The following MAST4 variants were observed in gnomAD, a reference collection of about 807,000 sequenced individuals.
MAST4 encodes the protein microtubule associated serine/threonine kinase family member 4, also known as microtubule-associated serine/threonine-protein kinase 4.
MAST4 carries 89 observed loss-of-function variants against 162.7 expected under a neutral mutation model. That is an observed-to-expected ratio of 0.55 (90% CI 0.46 to 0.65). MAST4 has a LOEUF of 0.65. Among genes scored for constraint, MAST4 ranks in the 30% least tolerant of loss-of-function variants. The pLI is 0.00. For missense variants in MAST4, 3,153 were observed against 3,374.0 expected (o/e 0.93, Z 1.62); for synonymous variants, 1,479 against 1,361.1 (o/e 1.09, Z -1.91).
intron 1 of MAST4, among the ~76,000 whole-genome samples, chr5:66,653,543 G>A (rs559893295): frequency 6.6e-6 from 1 of 152,192 alleles, no homozygotes; most frequent in Admixed American, 6.5e-5. Flanking sequence ...TTCTAATCTG[G>A]CCCTTCATAA....
chr5:66,833,607 C>A (rs937819805), intron 3 of MAST4, among the ~76,000 whole-genome samples: 2 of 152,200 alleles, frequency 1.3e-5, no homozygotes, highest in Non-Finnish European at 2.9e-5. Context: ...AACCTCCAAA[C>A]TGCATGTATC....
chr5:66,927,366 T>G (rs1764978630), intron 4 of MAST4, among the ~76,000 whole-genome samples: 1 of 152,242 alleles, frequency 6.6e-6, no homozygotes, highest in South Asian at 2.1e-4. Context: ...TATATAAGCC[T>G]TTGACAGCTA....
At chr5:67,151,511 CAG>C (rs1347686963) in intron 24 of MAST4, among the ~76,000 whole-genome samples, 1 of 152,180 alleles carries the variant, frequency 6.6e-6, no homozygotes, top group African/African-American at 2.4e-5. Context: ...TAGGGGGACA[CAG>C]ACATTCAGAG....
At chr5:67,155,495 C>G (rs1202881348) in intron 26 of MAST4, among the ~76,000 whole-genome samples, 3 of 152,208 alleles carry the variant, frequency 2.0e-5, no homozygotes, top group South Asian at 2.1e-4. Context: ...TTACCTGTTC[C>G]AATTAGCCAG....
intron 5 of MAST4, among the ~76,000 whole-genome samples, chr5:67,072,872 A>C (rs527996066): frequency 6.6e-6 from 1 of 152,324 alleles, no homozygotes; most frequent in African/African-American, 2.4e-5. Context: ...GATTGCTATG[A>C]AAACACAACA....
chr5:66,718,984 A>T (rs905272279), intron 1 of MAST4, among the ~76,000 whole-genome samples: 27 of 152,384 alleles, frequency 1.8e-4, no homozygotes, highest in African/African-American at 5.8e-4. Flanking sequence ...CACCAAGCAG[A>T]GTTATACACT....
intron 27 of MAST4, among the ~76,000 whole-genome samples, chr5:67,161,637 A>G (rs1285023351): frequency 6.6e-6 from 1 of 152,238 alleles, no homozygotes; most frequent in Non-Finnish European, 1.5e-5. Flanking sequence ...GTAAAAGAAT[A>G]CAAAGCGACT....
intron 1 of MAST4, among the ~76,000 whole-genome samples, chr5:66,738,937 A>C (rs189329577): frequency 1.3e-5 from 2 of 152,348 alleles, no homozygotes; most frequent in Admixed American, 6.5e-5. Context: ...GAAGGTTTTT[A>C]GTCAATTACT....
intron 19 of MAST4, 77 bp from the exon 20 acceptor site, chr5:67,142,038 T>G (rs1581701579): frequency 4.8e-6 from 7 of 1,459,832 alleles, no homozygotes; most frequent in Non-Finnish European, 6.6e-6. Flanking sequence ...AAAATTGTTG[T>G]TAAAAACTGA....
chr5:67,034,604 A>T (rs910698959), intron 4 of MAST4, among the ~76,000 whole-genome samples: 1 of 152,168 alleles, frequency 6.6e-6, no homozygotes, highest in African/African-American at 2.4e-5. Flanking sequence ...TTAAGCTTTA[A>T]CCAGTGACAG....
At chr5:66,975,898 G>A (rs1748083128) in intron 4 of MAST4, among the ~76,000 whole-genome samples, 1 of 152,130 alleles carries the variant, frequency 6.6e-6, no homozygotes, top group South Asian at 2.1e-4. Context: ...AGGAGACTGA[G>A]GCATGAAAAT....
At chr5:66,901,669 A>G (rs1040509831) in intron 4 of MAST4, among the ~76,000 whole-genome samples, 23 of 152,284 alleles carry the variant, frequency 1.5e-4, no homozygotes, top group Non-Finnish European at 2.2e-4. Flanking sequence ...CATGAAGCAC[A>G]CTGTATATGT....
intron 1 of MAST4, among the ~76,000 whole-genome samples, chr5:66,655,912 T>A (rs1020271968): frequency 5.9e-5 from 9 of 152,226 alleles, no homozygotes; most frequent in Admixed American, 2.6e-4. Context: ...CCACAAACTG[T>A]TAGCAATATC....
In MAST4 at chr5:66,683,764, G is replaced by A. The variant is rs144120094; in HGVS notation, c.364-75945G>A. ...CCCAGGATAAGTAAGTTAGACTCCT[G>A]GGATCCATCCTCCAGCTTGCTTTTC... On this transcript the variant is annotated intron_variant, in intron 1 of 28. Coordinates refer to ENST00000403625, the MANE Select transcript of MAST4 (RefSeq NM_001164664.2). 3.3e-5 allele frequency among the ~76,000 whole-genome samples: 5 copies of A among 152,262 alleles called. No homozygotes were observed. The East Asian group carries it at 9.6e-4, about 29-fold the overall frequency.
chr5:66,934,470 G>A (rs1742499644), intron 4 of MAST4, among the ~76,000 whole-genome samples: 2 of 152,044 alleles, frequency 1.3e-5, no homozygotes, highest in Admixed American at 6.6e-5. Context: ...AAATCATGGG[G>A]CAGTCTGAAG....
intron 1 of MAST4, chr5:66,623,188 A>C (rs150954882): frequency 1.3e-5 from 2 of 152,344 alleles, no homozygotes; most frequent in East Asian, 3.9e-4. Context: ...CTGTAGCTAC[A>C]AGGATTATGG....
intron 14 of MAST4, among the ~76,000 whole-genome samples, chr5:67,121,760 G>A (rs529739376): frequency 6.6e-6 from 1 of 152,020 alleles, no homozygotes; most frequent in African/African-American, 2.4e-5. Flanking sequence ...AGCCATCCTG[G>A]GTTGCATGCA....
intron 2 of MAST4, among the ~76,000 whole-genome samples, chr5:66,788,168 A>G (rs1247735146): frequency 6.6e-6 from 1 of 152,178 alleles, no homozygotes; most frequent in Non-Finnish European, 1.5e-5. Flanking sequence ...CCTGCACTTC[A>G]GAGAAAAAAG....
intron 4 of MAST4, among the ~76,000 whole-genome samples, chr5:67,029,296 G>A (rs1755033325): frequency 1.3e-5 from 2 of 152,138 alleles, no homozygotes; most frequent in East Asian, 3.9e-4. Context: ...ATGGAGGTGG[G>A]GATGGGGAGA....
Sources: allele counts gnomAD v4.1 joint callset (sites outside exome capture counted in the v4.1 genomes callset), GRCh38; gene constraint gnomAD v4.1.1; transcripts MANE v1.5; gene names NCBI Gene and HGNC (gene_info 2026-07-23, HGNC 2026-07-21).